Variants in DYRK1A observed in about 807,000 individuals in gnomAD.
DYRK1A encodes the protein dual specificity tyrosine-phosphorylation-regulated kinase 1A.
A neutral mutation model predicts 79.7 loss-of-function variants in DYRK1A; 9 were observed. The ratio of observed to expected loss-of-function variants is 0.11; its 90% CI spans 0.07 to 0.20. The LOEUF (loss-of-function observed/expected upper bound fraction) is 0.20, where lower values mean the gene tolerates loss of function less well. Among genes scored for constraint, DYRK1A ranks in the 10% least tolerant of loss-of-function variants. The pLI is 1.00. For missense variants in DYRK1A, 622 were observed against 956.0 expected (o/e 0.65, Z 4.61); for synonymous variants, 349 against 329.7 (o/e 1.06, Z -0.63).
At chr21:37,508,753 A>G (rs140728671) in intron 11 of DYRK1A, among the ~76,000 whole-genome samples, 1,548 of 152,110 alleles carry the variant, frequency 0.01, 23 homozygotes, top group African/African-American at 0.034. Flanking sequence ...TTTGTGTAAT[A>G]TGCCACATTC....
At chr21:37,481,992 C>T (rs2052659850) in intron 5 of DYRK1A, among the ~76,000 whole-genome samples, 1 of 152,170 alleles carries the variant, frequency 6.6e-6, no homozygotes, top group Admixed American at 6.5e-5. Flanking sequence ...TGCCTTGCAG[C>T]CCTTGTGGAA....
intron 1 of DYRK1A, among the ~76,000 whole-genome samples, chr21:37,385,478 T>TAG (rs1414440270): frequency 2.0e-5 from 3 of 152,230 alleles, no homozygotes; most frequent in Non-Finnish European, 4.4e-5. Context: ...CACACCCACT[T>TAG]ACTTTTGCAA....
chr21:37,496,164 C>T lies in DYRK1A; in HGVS notation c.1118C>T (p.Ala373Val), dbSNP rs1064796623. 6.2e-7 allele frequency: 1 copy of T among 1,613,932 alleles called. No homozygotes were observed. Reference sequence around the variant, plus strand: ...GTGGAAGTTCTGGGTATTCCACCTGCTCATATTCTTGACCAAGCACCAAAA... The same window carrying T: ...GTGGAAGTTCTGGGTATTCCACCTGTTCATATTCTTGACCAAGCACCAAAA... ...KIVEVLGIPP[A>V]HILDQAPKAR... The change falls in exon 9 of 12, where the codon GCT becomes GTT. Residue 373 changes from alanine to valine, a missense_variant. Coordinates refer to ENST00000647188, the MANE Select transcript of DYRK1A (RefSeq NM_001347721.2).
At chr21:37,469,353 G>C (rs2052141646) in intron 2 of DYRK1A, among the ~76,000 whole-genome samples, 1 of 152,220 alleles carries the variant, frequency 6.6e-6, no homozygotes, top group Non-Finnish European at 1.5e-5. Flanking sequence ...GTGTCGGTCA[G>C]TAGTAGAATG....
rs2053825165 is a variant in DYRK1A, at chr21:37,513,672, G to T, written c.*1141G>T. On this transcript the variant is annotated 3_prime_UTR_variant, in exon 12 of 12. Transcript: ENST00000647188. ...TTCTTTTGCTTTTTCTCGGCACGTG[G>T]TATCTCCACCATTTCTTCTGCACAA... is the stretch of plus-strand genomic sequence containing the variant. The T allele has an allele frequency of 6.6e-6, 1 of 152,562 alleles. No homozygotes were observed. Among genetic ancestry groups the T allele is most frequent in the South Asian group, 2.1e-4 (1 of 4,834 alleles). 9.5% of individuals were successfully genotyped at this position (152,562 alleles called of 1,614,324 possible).
chr21:37,525,831 TAA>T lies in DYRK1A; in HGVS notation c.*13302_*13303del, dbSNP rs1476207669. 2 of 152,206 alleles carry T rather than the reference TAA, an allele frequency of 1.3e-5. No homozygotes were observed. The highest frequency in any genetic ancestry group is 2.9e-5 in the Non-Finnish European group (2 of 68,028). The allele number at this position is 152,206 out of a possible 1,614,324, so 9.4% of individuals were successfully genotyped here. A position where few individuals can be genotyped will look rare whatever the true frequency, so the allele number is the denominator to read the frequency against. On this transcript the variant is annotated 3_prime_UTR_variant, in exon 12 of 12. Transcript: ENST00000647188. Reference sequence around the variant, plus strand: ...CAGCAGTTCAATGGTTTAGTAGTGGTAAAGTTTCATTTAAGTTTTGAGCTCAG... The same window carrying T: ...CAGCAGTTCAATGGTTTAGTAGTGGTAGTTTCATTTAAGTTTTGAGCTCAG...
chr21:37,450,796 A>G (rs2051422011), intron 2 of DYRK1A, among the ~76,000 whole-genome samples: 1 of 150,166 alleles, frequency 6.7e-6, no homozygotes, highest in African/African-American at 2.5e-5. Context: ...TACAAAAATA[A>G]ATAAGACCAG....
intron 1 of DYRK1A, among the ~76,000 whole-genome samples, chr21:37,417,536 T>TC (rs1302324289): frequency 2.9e-5 from 3 of 105,094 alleles, no homozygotes; most frequent in Non-Finnish European, 6.3e-5. Context: ...TTTCTTTTTT[T>TC]TTTTTTTTTT....
intron 1 of DYRK1A, among the ~76,000 whole-genome samples, chr21:37,382,904 C>T (rs900466718): frequency 1.3e-5 from 2 of 152,182 alleles, no homozygotes; most frequent in African/African-American, 4.8e-5. Context: ...GATAAAAGTT[C>T]TGGCATGCTG....
At chr21:37,428,175 A>C (rs558604642) in intron 2 of DYRK1A, among the ~76,000 whole-genome samples, 54 of 152,054 alleles carry the variant, frequency 3.6e-4, no homozygotes, top group African/African-American at 1.2e-3. Context: ...CATGCTTTTG[A>C]TTTTAGGGAT....
intron 1 of DYRK1A, among the ~76,000 whole-genome samples, chr21:37,387,941 A>G (rs1432811824): frequency 6.6e-6 from 1 of 152,222 alleles, no homozygotes; most frequent in African/African-American, 2.4e-5. Context: ...AACACTATGG[A>G]AAAGGTAGAA....
chr21:37,414,495 TA>T (rs1198892503), intron 1 of DYRK1A, among the ~76,000 whole-genome samples: 1 of 152,142 alleles, frequency 6.6e-6, no homozygotes, highest in Admixed American at 6.5e-5. Flanking sequence ...CAGGGCCCAT[TA>T]AAGATAAGTC....
chr21:37,377,810 T>C (rs538274555), intron 1 of DYRK1A, among the ~76,000 whole-genome samples: 2 of 152,216 alleles, frequency 1.3e-5, no homozygotes, highest in Non-Finnish European at 2.9e-5. Flanking sequence ...TACCTCTGTT[T>C]AGTCAGACTG....
At chr21:37,444,765 A>G (rs1237506346) in intron 2 of DYRK1A, among the ~76,000 whole-genome samples, 5 of 152,204 alleles carry the variant, frequency 3.3e-5, no homozygotes, top group Admixed American at 2.0e-4. Flanking sequence ...TGAGTAGAAC[A>G]TCTAAGTAGA....
rs185965214 is a variant in DYRK1A, at chr21:37,519,374, G to C, written c.*6843G>C. On this transcript the variant is annotated 3_prime_UTR_variant, in exon 12 of 12. Coordinates refer to ENST00000647188, the MANE Select transcript of DYRK1A (RefSeq NM_001347721.2). ...CTGCTCAACTTGCGCAAGGATTACT[G>C]TCCGCTTTGTACAATGGAGATACCT... The C allele has an allele frequency of 2.0e-5, 3 of 152,348 alleles. No homozygotes were observed. The East Asian group carries it at 5.8e-4, about 29-fold the overall frequency. 9.4% of individuals were successfully genotyped at this position (152,348 alleles called of 1,614,324 possible).
Position 37,512,703 on chromosome 21 carries a change from A to G in DYRK1A, c.*172A>G. The G allele has an allele frequency of 1.4e-6, 1 of 727,110 alleles. No homozygotes were observed. The highest frequency in any genetic ancestry group is 2.2e-6 in the Non-Finnish European group (1 of 454,136). The allele number at this position is 727,110 out of a possible 1,614,324, so 45.0% of individuals were successfully genotyped here. A position where few individuals can be genotyped will look rare whatever the true frequency, so the allele number is the denominator to read the frequency against. ...TGAAAAGATTGCAAAGGGACATTGA[A>G]GTGTTTAAAAGAGCCATGTCCAAAC... On this transcript the variant is annotated 3_prime_UTR_variant, in exon 12 of 12. Coordinates refer to ENST00000647188, the MANE Select transcript of DYRK1A (RefSeq NM_001347721.2).
intron 3 of DYRK1A, among the ~76,000 whole-genome samples, chr21:37,474,882 T>C (rs1777563648): frequency 6.6e-6 from 1 of 152,174 alleles, no homozygotes; most frequent in African/African-American, 2.4e-5. Context: ...TGGATATGTG[T>C]TATAGATGCT....
At chr21:37,432,208 G>T (rs1034668268) in intron 2 of DYRK1A, among the ~76,000 whole-genome samples, 1 of 152,056 alleles carries the variant, frequency 6.6e-6, no homozygotes, top group African/African-American at 2.4e-5. Context: ...TCTGGGAAAG[G>T]GAGGGAGGAA....
At chr21:37,455,020 T>C (rs1226645246) in intron 2 of DYRK1A, among the ~76,000 whole-genome samples, 3 of 58,424 alleles carry the variant, frequency 5.1e-5, no homozygotes, top group East Asian at 5.4e-4. Flanking sequence ...GGTGGTCACC[T>C]TTTTTTTTTT....
Sources: gnomAD v4.1 joint callset for allele counts (sites outside exome capture counted in the v4.1 genomes callset) on GRCh38, gnomAD v4.1.1 for gene constraint, MANE v1.5 for transcripts, NCBI Gene and HGNC (gene_info 2026-07-23, HGNC 2026-07-21) for gene names.